The following DMD variants were observed in gnomAD, a reference collection of about 807,000 sequenced individuals.
The protein encoded by DMD is dystrophin.
In DMD, 63 loss-of-function variants were observed where a neutral mutation model predicts 330.1. That is an observed-to-expected ratio of 0.19 (90% CI 0.16 to 0.24). The LOEUF (loss-of-function observed/expected upper bound fraction) is 0.24, where lower values mean the gene tolerates loss of function less well. Among genes scored for constraint, DMD ranks in the 10% least tolerant of loss-of-function variants. The pLI is 1.00. For synonymous variants in DMD, 1,223 were observed against 959.8 expected (o/e 1.27, Z -5.07); for missense variants, 3,344 against 2,684.1 (o/e 1.25, Z -5.43).
intron 13 of DMD, among the ~76,000 whole-genome samples, chrX:32,592,088 G>C (rs765411859): frequency 1.8e-5 from 2 of 111,428 alleles, no homozygotes; most frequent in Non-Finnish European, 3.8e-5. Context: ...GTACCCCTTG[G>C]TATAAACTGC....
At chrX:32,685,739 T>C (rs372736885) in intron 9 of DMD, among the ~76,000 whole-genome samples, 2 of 111,908 alleles carry the variant, frequency 1.8e-5, no homozygotes, top group African/African-American at 6.5e-5. Context: ...TGAATTGGTA[T>C]GCAGATGATC....
Position 32,614,332 on chromosome X carries a change from C to T in DMD, c.1453G>A (p.Asp485Asn), listed in dbSNP as rs2057399093. The change falls in exon 12 of 79, where the codon GAC becomes AAC. Residue 485 changes from aspartate to asparagine, a missense_variant. By Grantham distance (23) the Asp-to-Asn change is conservative. Transcript: ENST00000357033. ...EEEPLGPDLE[D>N]LKRQVQQHKV... ...TGTTGTTGTACTTGGCGTTTTAGGT[C>T]TTCAAGATCAGGTCCAAGAGGCTCT... is the stretch of plus-strand genomic sequence containing the variant. 4 of 1,206,077 alleles carry T rather than the reference C, an allele frequency of 3.3e-6. No individual in the cohort carries two copies. Among genetic ancestry groups the T allele is most frequent in the Non-Finnish European group, 4.5e-6 (4 of 893,389 alleles).
intron 7 of DMD, among the ~76,000 whole-genome samples, chrX:32,701,332 G>A (rs1049141458): frequency 1.8e-5 from 2 of 111,756 alleles, no homozygotes; most frequent in East Asian, 5.6e-4. Context: ...AACACATATG[G>A]CTCAACTTAT....
At chrX:33,179,571 G>A (rs2049857778) in intron 1 of DMD, among the ~76,000 whole-genome samples, 1 of 108,426 alleles carries the variant, frequency 9.2e-6, no homozygotes, top group Non-Finnish European at 1.9e-5. Flanking sequence ...GCGGGCGCCT[G>A]TAGTCCCAGC....
At chrX:32,505,634 A>C (rs2044539866) in intron 18 of DMD, among the ~76,000 whole-genome samples, 1 of 112,163 alleles carries the variant, frequency 8.9e-6, no homozygotes, top group South Asian at 3.7e-4. Context: ...ATTCTACTAT[A>C]TGATCCAGCA....
chrX:32,268,287 G>A (rs748206542), intron 43 of DMD, among the ~76,000 whole-genome samples: 22 of 111,598 alleles, frequency 2.0e-4, no homozygotes, highest in African/African-American at 6.8e-4. Context: ...TATCTTTGAC[G>A]CAGAAAAAGT....
At chrX:32,355,530 A>G (rs2097795987) in intron 37 of DMD, among the ~76,000 whole-genome samples, 1 of 111,998 alleles carries the variant, frequency 8.9e-6, no homozygotes, top group Admixed American at 9.5e-5. Flanking sequence ...AGTTTTATCA[A>G]ATGACACTGC....
intron 2 of DMD, among the ~76,000 whole-genome samples, chrX:32,925,795 G>A (rs1547016): frequency 0.31 from 34,271 of 110,628 alleles, 4,112 homozygotes; most frequent in East Asian, 0.6. Context: ...AAGAGCATTG[G>A]TGAATGTATT....
chrX:31,391,796 G>T (rs1266678135), intron 60 of DMD, among the ~76,000 whole-genome samples: 2 of 110,771 alleles, frequency 1.8e-5, no homozygotes, highest in Non-Finnish European at 3.8e-5. Context: ...GCTTGAACCT[G>T]GGAGGCGGAG....
intron 67 of DMD, among the ~76,000 whole-genome samples, chrX:31,188,191 A>C (rs1385498688): frequency 8.9e-6 from 1 of 111,890 alleles, no homozygotes; most frequent in Non-Finnish European, 1.9e-5. Flanking sequence ...ATTCTGTTTC[A>C]ATCTTTCATT....
chrX:32,119,175 C>T (rs1478484438), intron 44 of DMD, among the ~76,000 whole-genome samples: 1 of 110,094 alleles, frequency 9.1e-6, no homozygotes, highest in Admixed American at 9.7e-5. Flanking sequence ...ACTAAAAATG[C>T]AAAACTTAGC....
chrX:32,697,949 G>T lies in DMD; in HGVS notation c.881C>A (p.Pro294His). ...QGYERTSSPK[P>H]RFKSYAYTQA... ...TGTGTAGGCATAGCTCTTGAATCGA[G>T]GCTTAGGGGAAGAAGTTCTCTCATA... is the stretch of plus-strand genomic sequence containing the variant. Residue 294 changes from proline to histidine, a missense_variant, in exon 9 of 79, where the codon CCT becomes CAT. Coordinates refer to ENST00000357033, the MANE Select transcript of DMD (RefSeq NM_004006.3). The T allele has an allele frequency of 8.3e-7, 1 of 1,205,719 alleles. No individual in the cohort carries two copies. The highest frequency in any genetic ancestry group is 2.3e-4 in the Middle Eastern group (1 of 4,341).
chrX:33,192,013 T>C (rs776357273), intron 1 of DMD, among the ~76,000 whole-genome samples: 4 of 112,043 alleles, frequency 3.6e-5, no homozygotes, highest in Admixed American at 9.5e-5. Flanking sequence ...AAACAGTGGA[T>C]AAAGGACAAG....
chrX:31,731,711 A>C (rs967465036), intron 51 of DMD, among the ~76,000 whole-genome samples: 3 of 111,521 alleles, frequency 2.7e-5, no homozygotes, highest in African/African-American at 9.7e-5. Context: ...GATACTTGGA[A>C]ATTTTTATAT....
chrX:31,666,001 T>C (rs1192270733), intron 53 of DMD, among the ~76,000 whole-genome samples: 1 of 111,490 alleles, frequency 9.0e-6, no homozygotes, highest in Non-Finnish European at 1.9e-5. Flanking sequence ...GCTGACTTTA[T>C]TAAAAGGCTT....
At chrX:32,785,641 G>T (rs111678981) in intron 7 of DMD, among the ~76,000 whole-genome samples, 6,308 of 111,297 alleles carry the variant, frequency 0.057, 177 homozygotes, top group Middle Eastern at 0.089. Flanking sequence ...ACTAGCTTTA[G>T]CAGTTTTACT....
chrX:31,243,018 C>T (rs1016470389), intron 63 of DMD, among the ~76,000 whole-genome samples: 4 of 111,507 alleles, frequency 3.6e-5, no homozygotes, highest in East Asian at 2.8e-4. Context: ...ACCAGAGTCA[C>T]GCCAGCTTGG....
At chrX:32,779,903 A>G (rs1390197352) in intron 7 of DMD, among the ~76,000 whole-genome samples, 1 of 111,995 alleles carries the variant, frequency 8.9e-6, no homozygotes, top group Non-Finnish European at 1.9e-5. Flanking sequence ...ATTACTATTC[A>G]AGATATTCTT....
At chrX:32,112,517 T>A (rs1343193026) in intron 44 of DMD, among the ~76,000 whole-genome samples, 1 of 111,669 alleles carries the variant, frequency 9.0e-6, no homozygotes, top group Non-Finnish European at 1.9e-5. Flanking sequence ...AACATGGCAC[T>A]TGGAGACGAA....
Sources: gnomAD v4.1 joint callset for allele counts (sites outside exome capture counted in the v4.1 genomes callset) on GRCh38, gnomAD v4.1.1 for gene constraint, MANE v1.5 for transcripts, NCBI Gene and HGNC (gene_info 2026-07-23, HGNC 2026-07-21) for gene names.